CATSPERE: variants seen among roughly 807,000 people sequenced by gnomAD.
CATSPERE encodes cation channel sperm-associated auxiliary subunit epsilon.
In CATSPERE, 93 loss-of-function variants were observed where a neutral mutation model predicts 114.1. That is an observed-to-expected ratio of 0.81 (90% CI 0.69 to 0.97). The LOEUF is 0.97. Among genes scored for constraint, CATSPERE ranks in the 50% least tolerant of loss-of-function variants. The pLI, the probability that CATSPERE is intolerant of heterozygous loss-of-function variation, is 0.00. For synonymous variants in CATSPERE, 341 were observed against 384.1 expected (o/e 0.89, Z 1.31); for missense variants, 1,058 against 1,131.6 (o/e 0.93, Z 0.93).
chr1:244,510,287 C>T (rs544151879), intron 7 of CATSPERE, among the ~76,000 whole-genome samples: 7 of 152,150 alleles, frequency 4.6e-5, no homozygotes, highest in Non-Finnish European at 1.0e-4. Flanking sequence ...TCATTTGCGT[C>T]AAGGAATTTT....
chr1:244,609,106 A>C (rs1206774416), intron 18 of CATSPERE, among the ~76,000 whole-genome samples: 1 of 151,984 alleles, frequency 6.6e-6, no homozygotes, highest in African/African-American at 2.4e-5. Context: ...GAATCGCTTG[A>C]ACCCAAGAAG....
At chr1:244,457,426 A>G (rs1666255596), upstream of CATSPERE, 1 of 152,212 alleles carries the variant, frequency 6.6e-6, no homozygotes, top group African/African-American at 2.4e-5. Flanking sequence ...TCTCTTTTGA[A>G]GATGATTTTT....
intron 19 of CATSPERE, among the ~76,000 whole-genome samples, chr1:244,616,121 T>A (rs1275091415): frequency 6.6e-6 from 1 of 151,986 alleles, no homozygotes; most frequent in Non-Finnish European, 1.5e-5. Flanking sequence ...AGAGCGAGAC[T>A]CCATCCCTAA....
At chr1:244,483,508 T>A (rs1427432980) in intron 5 of CATSPERE, among the ~76,000 whole-genome samples, 2 of 152,214 alleles carry the variant, frequency 1.3e-5, no homozygotes, top group African/African-American at 2.4e-5. Flanking sequence ...TCTGACTTTT[T>A]AATTTTTCCA....
At chr1:244,628,293 G>A (rs1673463548) in intron 20 of CATSPERE, among the ~76,000 whole-genome samples, 1 of 152,058 alleles carries the variant, frequency 6.6e-6, no homozygotes, top group African/African-American at 2.4e-5. Flanking sequence ...GGATAAAGGG[G>A]GACTAGTGCA....
At chr1:244,548,194 C>T (rs545773193) in intron 8 of CATSPERE, among the ~76,000 whole-genome samples, 2 of 152,294 alleles carry the variant, frequency 1.3e-5, no homozygotes, top group African/African-American at 4.8e-5. Context: ...ATAGGATGAC[C>T]CATTCTGTGG....
intron 20 of CATSPERE, among the ~76,000 whole-genome samples, chr1:244,621,051 A>T (rs11806537): frequency 4.0e-5 from 3 of 75,394 alleles, no homozygotes; most frequent in African/African-American, 2.3e-4. Flanking sequence ...TATATATATA[A>T]ATATATATAA....
At chr1:244,516,582 C>T (rs564769074) in intron 7 of CATSPERE, among the ~76,000 whole-genome samples, 4 of 150,862 alleles carry the variant, frequency 2.7e-5, no homozygotes, top group Middle Eastern at 3.4e-3. Flanking sequence ...AGTGCAGTGG[C>T]ACGATATCAA....
rs1342118608 is a variant in CATSPERE, at chr1:244,575,625, T to C, written c.1950+2853T>C. On this transcript the variant is annotated intron_variant, in intron 11 of 21. Coordinates refer to ENST00000366534, the MANE Select transcript of CATSPERE (RefSeq NM_001130957.2). The surrounding 1 kb of genome is among the most constrained non-coding windows in gnomAD (Gnocchi z 4.5). ...CAGGTGCTAGTAATCTACAACAATG[T>C]GGAGCTGCGCTTGCTGCTGTTGCTC... 6.6e-6 allele frequency among the ~76,000 whole-genome samples: 1 copy of C among 152,154 alleles called. No individual in the cohort carries two copies. Among genetic ancestry groups the C allele is most frequent in the African/African-American group, 2.4e-5 (1 of 41,446 alleles).
chr1:244,521,884 A>C (rs1474369187), intron 8 of CATSPERE, among the ~76,000 whole-genome samples: 1 of 151,860 alleles, frequency 6.6e-6, no homozygotes, highest in Non-Finnish European at 1.5e-5. Flanking sequence ...AATATATTAA[A>C]GTTTTAGAAA....
chr1:244,553,618 C>CACACACACACACACATATAT (rs1558484867), intron 9 of CATSPERE, among the ~76,000 whole-genome samples: 1 of 133,446 alleles, frequency 7.5e-6, no homozygotes. Context: ...CACACACACA[C>CACACACACACACACATATAT]ACACACACAC....
intron 1 of CATSPERE, among the ~76,000 whole-genome samples, chr1:244,456,119 G>T (rs1253422240): frequency 1.3e-5 from 2 of 150,972 alleles, no homozygotes; most frequent in Non-Finnish European, 3.0e-5. Context: ...TCCCATGGGG[G>T]ATGGTCTAAT....
At chr1:244,583,191 TTTTATG>T (rs1375510829) in intron 12 of CATSPERE, among the ~76,000 whole-genome samples, 2 of 152,048 alleles carry the variant, frequency 1.3e-5, no homozygotes, top group Non-Finnish European at 2.9e-5. Flanking sequence ...CAAGGACACT[TTTTATG>T]TTTGTTTGTC....
At chr1:244,555,815 G>A (rs940257524) in intron 9 of CATSPERE, among the ~76,000 whole-genome samples, 3 of 152,090 alleles carry the variant, frequency 2.0e-5, no homozygotes, top group Non-Finnish European at 4.4e-5. Context: ...AATCAAGAAA[G>A]CACTCCTATT....
chr1:244,605,903 G>A, intron 18 of CATSPERE, 109 bp downstream of exon 18: 1 of 636,712 alleles, frequency 1.6e-6, no homozygotes, highest in South Asian at 3.0e-5. Context: ...GGCAGCAGTG[G>A]GTAGGAAAAA....
intron 17 of CATSPERE, 58 bp downstream of exon 17, chr1:244,593,636 G>A (rs938529130): frequency 7.3e-5 from 102 of 1,392,800 alleles, no homozygotes; most frequent in Non-Finnish European, 9.3e-5. Flanking sequence ...CTCAAAGCAC[G>A]AAAACAAGAC....
rs1370028459 is a variant in CATSPERE, at chr1:244,499,071, C to G, written c.421C>G (p.Pro141Ala). ...TGAGTTGCTGGGGAATGCAGAAGAACCTTCAATAGTAGGTGGAAACATTAG... is the reference window on the plus strand; with the variant it reads ...TGAGTTGCTGGGGAATGCAGAAGAAGCTTCAATAGTAGGTGGAAACATTAG... ...PDELLGNAEE[P>A]SINSIVLSTQ... is the part of the protein sequence containing the mutation. The change falls in exon 7 of 22, where the codon CCT (proline) becomes GCT (alanine). Residue 141 changes from proline to alanine, a missense_variant. Physicochemically the swap from Pro to Ala is conservative, Grantham distance 27. Around this residue, in one of 2 missense-constraint regions of CATSPERE, gnomAD observed 271 missense variants for 225.9 expected, o/e 1.20. Coordinates refer to ENST00000366534, the MANE Select transcript of CATSPERE (RefSeq NM_001130957.2). The G allele has an allele frequency of 1.9e-6, 3 of 1,607,710 alleles. No individual in the cohort carries two copies. The East Asian group carries it at 6.7e-5, about 36-fold the overall frequency.
At chr1:244,478,335 T>G (rs1669696533) in intron 4 of CATSPERE, among the ~76,000 whole-genome samples, 1 of 152,214 alleles carries the variant, frequency 6.6e-6, no homozygotes, top group African/African-American at 2.4e-5. Context: ...GCAGATTTAT[T>G]TTACTCCACT....
chr1:244,551,792 C>T (rs550933004), intron 8 of CATSPERE, among the ~76,000 whole-genome samples: 8 of 152,134 alleles, frequency 5.3e-5, no homozygotes, highest in Admixed American at 3.3e-4. Flanking sequence ...AGGCCAGGCG[C>T]GGTGGCTCAC....
Sources: allele counts gnomAD v4.1 joint callset (sites outside exome capture counted in the v4.1 genomes callset), GRCh38; gene constraint gnomAD v4.1.1; regional missense constraint gnomAD v4.1.1; non-coding constraint Gnocchi (gnomAD v3.1); transcripts MANE v1.5; gene names NCBI Gene and HGNC (gene_info 2026-07-23, HGNC 2026-07-21).